The following ADAMTS18 variants were observed in gnomAD, a reference collection of about 807,000 sequenced individuals.
The protein encoded by ADAMTS18 is ADAM metallopeptidase with thrombospondin type 1 motif 18.
ADAMTS18 carries 157 observed loss-of-function variants against 165.9 expected under a neutral mutation model. The ratio of observed to expected loss-of-function variants is 0.95; its 90% CI spans 0.83 to 1.08. The LOEUF (loss-of-function observed/expected upper bound fraction) is 1.08. Among genes scored for constraint, ADAMTS18 ranks in the 50% least tolerant of loss-of-function variants. The pLI, the probability that ADAMTS18 is intolerant of heterozygous loss-of-function variation, is 0.00. For missense variants in ADAMTS18, 2,040 were observed against 1,534.0 expected (o/e 1.33, Z -5.51); for synonymous variants, 782 against 578.2 (o/e 1.35, Z -5.06).
In ADAMTS18 at chr16:77,283,879, G is replaced by T. The variant is rs539731458; in HGVS notation, c.*77C>A. 1.8e-6 allele frequency: 2 copies of T among 1,124,952 alleles called. No individual in the cohort carries two copies. Among genetic ancestry groups the T allele is most frequent in the South Asian group, 1.2e-5 (1 of 80,408 alleles). The allele number at this position is 1,124,952 out of a possible 1,614,324, so 69.7% of individuals were successfully genotyped here. ...AGATGGTTCTCGGTGCTCAGCTCCT[G>T]GTCTCAAAGGCAGCTGGTCTCTCTA... On this transcript the variant is annotated 3_prime_UTR_variant, in exon 23 of 23. Coordinates refer to ENST00000282849, the MANE Select transcript of ADAMTS18 (RefSeq NM_199355.4).
At chr16:77,381,967 C>T (rs1279558624) in intron 3 of ADAMTS18, among the ~76,000 whole-genome samples, 2 of 152,122 alleles carry the variant, frequency 1.3e-5, no homozygotes, top group Non-Finnish European at 2.9e-5. Flanking sequence ...TACTGGTCAT[C>T]ACCAATCTAG....
chr16:77,381,936 T>C (rs994999401), intron 3 of ADAMTS18, among the ~76,000 whole-genome samples: 3 of 152,190 alleles, frequency 2.0e-5, no homozygotes, highest in South Asian at 2.1e-4. Context: ...CCTGGCTCAA[T>C]TGTTCTCTGG....
chr16:77,360,016 C>A (rs564408031), intron 7 of ADAMTS18, among the ~76,000 whole-genome samples: 5 of 152,294 alleles, frequency 3.3e-5, no homozygotes, highest in African/African-American at 1.2e-4. Flanking sequence ...AGCATCCCGG[C>A]CAGCCCTTAA....
chr16:77,339,447 C>T (rs548645241), intron 11 of ADAMTS18, among the ~76,000 whole-genome samples: 3 of 152,164 alleles, frequency 2.0e-5, no homozygotes, highest in Non-Finnish European at 4.4e-5. Flanking sequence ...AAGCCTAACA[C>T]AAGTACGTTT....
chr16:77,416,287 C>T (rs2057528977), intron 3 of ADAMTS18, among the ~76,000 whole-genome samples: 1 of 151,908 alleles, frequency 6.6e-6, no homozygotes, highest in African/African-American at 2.4e-5. Context: ...GTGGCATGCA[C>T]AATAATGGAA....
chr16:77,297,453 G>T, intron 17 of ADAMTS18, 38 bp from the exon 18 acceptor site: 1 of 1,585,852 alleles, frequency 6.3e-7, no homozygotes, highest in African/African-American at 1.3e-5. Flanking sequence ...GAAAATTACA[G>T]ATTATTATTT....
chr16:77,374,010 G>A (rs2056914581), intron 3 of ADAMTS18, among the ~76,000 whole-genome samples: 1 of 152,022 alleles, frequency 6.6e-6, no homozygotes, highest in Admixed American at 6.5e-5. Flanking sequence ...CGTGAGGTCA[G>A]GAGTTATAGA....
chr16:77,302,406 A>T (rs976485371), intron 16 of ADAMTS18, among the ~76,000 whole-genome samples: 2 of 152,138 alleles, frequency 1.3e-5, no homozygotes, highest in Non-Finnish European at 2.9e-5. Context: ...TACCGTATTT[A>T]CTTGTGTGGC....
chr16:77,430,253 G>C (rs1181488315), intron 3 of ADAMTS18, among the ~76,000 whole-genome samples: 1 of 152,220 alleles, frequency 6.6e-6, no homozygotes, highest in Non-Finnish European at 1.5e-5. Context: ...GGTGAGCCAT[G>C]TTCATCATTT....
At chr16:77,426,427 C>T (rs932719288) in intron 3 of ADAMTS18, among the ~76,000 whole-genome samples, 7 of 152,088 alleles carry the variant, frequency 4.6e-5, no homozygotes, top group Non-Finnish European at 5.9e-5. Flanking sequence ...TAATATAAGA[C>T]ATTTCTGACT....
chr16:77,321,198 A>C lies in ADAMTS18; in HGVS notation c.2168T>G (p.Val723Gly). Residue 723 changes from valine (V) to glycine (G), a missense_variant, in exon 15 of 23, where the codon GTG becomes GGG. Coordinates refer to ENST00000282849, the MANE Select transcript of ADAMTS18 (RefSeq NM_199355.4). ...AGAGCCTAGTTCATGATCACATCCC[A>C]CTAGCTGTGACAAAAACAAAAAACG... ...DVCIDGVCEL[V>G]GCDHELGSKA... 6.2e-7 allele frequency: 1 copy of C among 1,614,162 alleles called. No homozygotes were observed. The highest frequency in any genetic ancestry group is 8.5e-7 in the Non-Finnish European group (1 of 1,180,014).
Position 77,321,161 on chromosome 16 carries a change from T to C in ADAMTS18, c.2205A>G (p.Ser735=), listed in dbSNP as rs147464575. The change falls in exon 15 of 23, where the codon TCA becomes TCG. Residue 735 remains serine, a synonymous_variant. Coordinates refer to ENST00000282849, the MANE Select transcript of ADAMTS18 (RefSeq NM_199355.4). ...CACCTTTGCAAACGCCACAAGCATC[T>C]GAAACTGCTTTAGAGCCTAGTTCAT... ...CDHELGSKAV[S]DACGVCKGDN... 3 of 1,614,188 alleles carry C rather than the reference T, an allele frequency of 1.9e-6. No individual in the cohort carries two copies. The highest frequency in any genetic ancestry group is 2.5e-6 in the Non-Finnish European group (3 of 1,180,022).
intron 3 of ADAMTS18, among the ~76,000 whole-genome samples, chr16:77,374,324 G>A (rs2056919783): frequency 6.6e-6 from 1 of 152,082 alleles, no homozygotes; most frequent in East Asian, 1.9e-4. Context: ...CATAGGAAGT[G>A]ACAATTTCAA....
intron 22 of ADAMTS18, among the ~76,000 whole-genome samples, chr16:77,286,997 CAGTA>C (rs1212100025): frequency 2.0e-5 from 3 of 152,148 alleles, no homozygotes; most frequent in African/African-American, 7.2e-5. Flanking sequence ...GACTGGCACT[CAGTA>C]TGGGCAGGGA....
chr16:77,434,655 G>C lies in ADAMTS18; in HGVS notation c.41C>G (p.Ala14Gly). Residue 14 changes from alanine (A) to glycine (G), a missense_variant, in exon 1 of 23, where the codon GCG becomes GGG. Transcript: ENST00000282849. ...ALLLACAFPA[A>G]GSGPPRGLAG... ...CAGGCCCCTCGGCGGGCCCGAACCC[G>C]CAGCCGGGAAGGCACACGCGAGCAG... 6.8e-7 allele frequency: 1 copy of C among 1,479,790 alleles called. No individual in the cohort carries two copies. Among genetic ancestry groups the C allele is most frequent in the Non-Finnish European group, 8.9e-7 (1 of 1,122,152 alleles). The allele number at this position is 1,479,790 out of a possible 1,614,324, so 91.7% of individuals were successfully genotyped here.
intron 3 of ADAMTS18, among the ~76,000 whole-genome samples, chr16:77,418,565 C>T (rs1293003786): frequency 6.6e-6 from 1 of 152,162 alleles, no homozygotes; most frequent in Non-Finnish European, 1.5e-5. Flanking sequence ...AGACAGCTTC[C>T]CCCTAGAAAG....
chr16:77,377,024 A>G lies in ADAMTS18; in HGVS notation c.496-9301T>C, dbSNP rs866556474. Among the ~76,000 whole-genome samples, 8 of 152,198 alleles carry G rather than the reference A, an allele frequency of 5.3e-5. No individual in the cohort carries two copies. In the South Asian group the frequency reaches 1.0e-3, roughly 20 times the overall value. ...GAGATGAGGTTTCATCACATTGGCC[A>G]GGCTGGTCTTGAACTCCTGACTTCA... On this transcript the variant is annotated intron_variant, in intron 3 of 22. Coordinates refer to ENST00000282849, the MANE Select transcript of ADAMTS18 (RefSeq NM_199355.4).
intron 3 of ADAMTS18, among the ~76,000 whole-genome samples, chr16:77,404,010 T>G (rs1270211849): frequency 7.2e-5 from 9 of 125,844 alleles, no homozygotes; most frequent in Non-Finnish European, 1.2e-4. Context: ...CCTCCCTCCC[T>G]CCCTCCCTCC....
At chr16:77,326,518 G>C (rs1442840503) in intron 12 of ADAMTS18, among the ~76,000 whole-genome samples, 4 of 151,996 alleles carry the variant, frequency 2.6e-5, no homozygotes, top group South Asian at 4.2e-4. Flanking sequence ...AAGTAGCTGG[G>C]ACTGGAGGCA....
Sources: allele counts gnomAD v4.1 joint callset (sites outside exome capture counted in the v4.1 genomes callset), GRCh38; gene constraint gnomAD v4.1.1; transcripts MANE v1.5; gene names NCBI Gene and HGNC (gene_info 2026-07-23, HGNC 2026-07-21).